Variants in RELN observed in about 807,000 individuals in gnomAD.
RELN encodes reelin.
RELN carries 108 observed loss-of-function variants against 427.6 expected under a neutral mutation model. The observed-to-expected ratio is 0.25, with a 90% CI of 0.22 to 0.30. The LOEUF is 0.30. RELN is among the 10% of genes least tolerant of loss of function. The pLI, the probability that RELN is intolerant of heterozygous loss-of-function variation, is 1.00. For synonymous variants in RELN, 1,524 were observed against 1,513.4 expected, an observed-to-expected ratio of 1.01 and a Z score of -0.16; for missense variants, 3,715 against 4,302.8, an observed-to-expected ratio of 0.86 and a Z score of 3.82.
Position 103,636,413 on chromosome 7 carries a change from T to C in RELN, c.2125A>G (p.Met709Val), listed in dbSNP as rs114577182. The change falls in exon 18 of 65, where the codon ATG becomes GTG. Residue 709 changes from methionine to valine, a missense_variant. Around this residue, in one of 4 missense-constraint regions of RELN, gnomAD observed 2,208 missense variants for 2,361.7 expected, o/e 0.93. Coordinates refer to ENST00000428762, the MANE Select transcript of RELN (RefSeq NM_005045.4). Reference sequence around the variant, plus strand: ...CTGCCAAAGCTTTCAGAAATAAACATTGGGAATGTCTGGGATGCCATCTCA... The same window carrying C: ...CTGCCAAAGCTTTCAGAAATAAACACTGGGAATGTCTGGGATGCCATCTCA... The part of the protein sequence containing the change: ...ACEMASQTFP[M>V]FISESFGSSR... 220 of 1,613,830 alleles carry C rather than the reference T, an allele frequency of 1.4e-4. No individual in the cohort carries two copies. Among genetic ancestry groups the C allele is most frequent in the Non-Finnish European group, 1.7e-4 (197 of 1,179,944 alleles).
At chr7:103,575,218 T>A (rs1830972035) in intron 29 of RELN, among the ~76,000 whole-genome samples, 1 of 152,144 alleles carries the variant, frequency 6.6e-6, no homozygotes, top group African/African-American at 2.4e-5. Flanking sequence ...TATGACAGAG[T>A]TATTGTTAGA....
Position 103,930,227 on chromosome 7 carries a change from G to T in RELN, c.227-13042C>A, listed in dbSNP as rs572851301. Reference sequence around the variant, plus strand: ...ACGTCCACATTCTCACTGTGTCCCTGCATGGCCTTTCATCTATCTGCACAT... The same window carrying T: ...ACGTCCACATTCTCACTGTGTCCCTTCATGGCCTTTCATCTATCTGCACAT... On this transcript the variant is annotated intron_variant, in intron 1 of 64. Transcript: ENST00000428762. Among the ~76,000 whole-genome samples, 292 of 152,146 alleles carry T rather than the reference G, an allele frequency of 1.9e-3. 5 individuals carry two copies. The East Asian group carries it at 0.046, about 24-fold the overall frequency.
In RELN at chr7:103,520,979, T is replaced by A. The variant is rs1213378348; in HGVS notation, c.7668+1043A>T. Among the ~76,000 whole-genome samples the A allele has an allele frequency of 3.1e-5, 4 of 128,998 alleles. 1 individual carries two copies. Among genetic ancestry groups the A allele is most frequent in the African/African-American group, 2.8e-5 (1 of 35,430 alleles). 84.6% of individuals were successfully genotyped at this position (128,998 alleles called of 152,430 possible). The stretch of plus-strand genomic sequence containing the variant: ...GTTATTTTTTTTTTTTTTTTTTTTT[T>A]TTTTTTTTGAGACGGAGTCTCGCTC... On this transcript the variant is annotated intron_variant, in intron 48 of 64. Coordinates refer to ENST00000428762, the MANE Select transcript of RELN (RefSeq NM_005045.4).
intron 52 of RELN, among the ~76,000 whole-genome samples, chr7:103,501,385 C>T (rs1584238819): frequency 1.3e-5 from 2 of 152,074 alleles, no homozygotes; most frequent in Admixed American, 6.6e-5. Context: ...TTCTGAATTC[C>T]CTGAAGACAA....
chr7:103,590,872 C>G (rs1029594389), intron 27 of RELN, among the ~76,000 whole-genome samples: 1 of 152,222 alleles, frequency 6.6e-6, no homozygotes, highest in Non-Finnish European at 1.5e-5. Flanking sequence ...ACATCTAGAG[C>G]TTTCCTCCAC....
intron 3 of RELN, among the ~76,000 whole-genome samples, chr7:103,814,380 C>T (rs1792818121): frequency 6.6e-6 from 1 of 152,192 alleles, no homozygotes; most frequent in African/African-American, 2.4e-5. Context: ...TATTCTGATT[C>T]ACTTATGATT....
intron 1 of RELN, among the ~76,000 whole-genome samples, chr7:103,941,075 C>T (rs1223425633): frequency 6.6e-6 from 1 of 152,158 alleles, no homozygotes; most frequent in Admixed American, 6.5e-5. Flanking sequence ...TGGGTCACCT[C>T]CCCTTCCCTT....
chr7:103,833,436 C>T (rs995545527), intron 3 of RELN, 101 bp downstream of exon 3: 5 of 1,146,180 alleles, frequency 4.4e-6, no homozygotes, highest in African/African-American at 1.5e-5. Context: ...AGGGTTAAAC[C>T]TGTCAAAATA....
chr7:103,544,376 C>A (rs919458208), intron 42 of RELN, among the ~76,000 whole-genome samples: 1 of 151,636 alleles, frequency 6.6e-6, no homozygotes, highest in Admixed American at 6.6e-5. Flanking sequence ...TTACAAGTGC[C>A]TGCCAGCGTG....
At chr7:103,557,893 G>T in intron 37 of RELN, 72 bp downstream of exon 37, 1 of 772,000 alleles carries the variant, frequency 1.3e-6, no homozygotes, top group Non-Finnish European at 2.3e-6. Context: ...CCTTAAATCC[G>T]TGATTTCTTT....
intron 26 of RELN, 116 bp from the exon 27 acceptor site, chr7:103,593,998 C>T (rs1290717095): frequency 1.2e-6 from 1 of 800,922 alleles, no homozygotes; most frequent in African/African-American, 2.2e-5. Context: ...TAGGAAAACA[C>T]AGAAGAATCT....
At chr7:103,903,274 G>GGT (rs1563080538) in intron 2 of RELN, among the ~76,000 whole-genome samples, 1 of 142,812 alleles carries the variant, frequency 7.0e-6, no homozygotes, top group African/African-American at 2.6e-5. Context: ...ATTCCTAAGT[G>GGT]TTTTTTTTTT....
chr7:103,722,297 T>C (rs1236082429), intron 8 of RELN, among the ~76,000 whole-genome samples: 1 of 152,166 alleles, frequency 6.6e-6, no homozygotes, highest in Non-Finnish European at 1.5e-5. Flanking sequence ...AGAAGAATCC[T>C]GAGAGAAACA....
At chr7:103,929,627 G>A (rs1006756740) in intron 1 of RELN, among the ~76,000 whole-genome samples, 2 of 152,106 alleles carry the variant, frequency 1.3e-5, no homozygotes, top group African/African-American at 2.4e-5. Flanking sequence ...AATATAACTA[G>A]TGCCTGAAGC....
chr7:103,629,630 GTT>G lies in RELN; in HGVS notation c.2702+308_2702+309del, dbSNP rs35434615. ...TTAATAACTAACACTTTTTGAAGAG[GTT>G]TTTTTTTTTAAAATATGTAATTGTG... On this transcript the variant is annotated intron_variant, in intron 20 of 64. Coordinates refer to ENST00000428762, the MANE Select transcript of RELN (RefSeq NM_005045.4). Among the ~76,000 whole-genome samples, 7 of 146,968 alleles carry G rather than the reference GTT, an allele frequency of 4.8e-5. 1 individual carries two copies. The highest frequency in any genetic ancestry group is 1.5e-4 in the African/African-American group (6 of 38,886).
intron 19 of RELN, among the ~76,000 whole-genome samples, chr7:103,630,416 G>A (rs560040647): frequency 4.6e-5 from 7 of 152,146 alleles, no homozygotes; most frequent in Non-Finnish European, 1.0e-4. Flanking sequence ...TAAACATGGT[G>A]GTCAAAGTGA....
Position 103,572,215 on chromosome 7 carries a change from A to G in RELN, c.4557T>C (p.Ile1519=). Residue 1519 remains isoleucine, a synonymous_variant, in exon 31 of 65, where the codon ATT becomes ATC. Transcript: ENST00000428762. Reference sequence around the variant, plus strand: ...TTCTAGTTCTTGGTTTGATGCAGGTAATGCCTGAAGTTTTGCTTCCAATTT... The same window carrying G: ...TTCTAGTTCTTGGTTTGATGCAGGTGATGCCTGAAGTTTTGCTTCCAATTT... ...YIQIGSKTSG[I]TCIKPRTRNE... 6.3e-7 allele frequency: 1 copy of G among 1,597,024 alleles called. No homozygotes were observed. The highest frequency in any genetic ancestry group is 8.6e-7 in the Non-Finnish European group (1 of 1,164,414).
chr7:103,858,172 C>A (rs181049010), intron 2 of RELN, among the ~76,000 whole-genome samples: 1 of 152,274 alleles, frequency 6.6e-6, no homozygotes, highest in Admixed American at 6.5e-5. Flanking sequence ...GCAGCTTGGG[C>A]TCGAATCCTG....
chr7:103,716,322 G>A (rs1789937373), intron 8 of RELN, among the ~76,000 whole-genome samples: 1 of 152,016 alleles, frequency 6.6e-6, no homozygotes, highest in Non-Finnish European at 1.5e-5. Context: ...CTCCCACGTG[G>A]ACTCTCTCCC....
Sources: allele counts gnomAD v4.1 joint callset (sites outside exome capture counted in the v4.1 genomes callset), GRCh38; gene constraint gnomAD v4.1.1; regional missense constraint gnomAD v4.1.1; transcripts MANE v1.5; gene names NCBI Gene and HGNC (gene_info 2026-07-23, HGNC 2026-07-21).